Variants in MAPK8IP1 observed in about 807,000 individuals in gnomAD.
The protein encoded by MAPK8IP1 is mitogen-activated protein kinase 8 interacting protein 1.
In MAPK8IP1, 17 loss-of-function variants were observed where a neutral mutation model predicts 72.6. The observed-to-expected ratio is 0.23, with a 90% CI of 0.16 to 0.35. The LOEUF is 0.35. Ranked by LOEUF, MAPK8IP1 falls within the 10% of genes least tolerant of loss-of-function variation. MAPK8IP1 has a pLI of 1.00. For synonymous variants in MAPK8IP1, 401 were observed against 443.4 expected (o/e 0.90, Z 1.20); for missense variants, 789 against 1,009.7 (o/e 0.78, Z 2.96).
chr11:45,903,332 A>AC lies in MAPK8IP1; in HGVS notation c.1418-27dup, dbSNP rs768288614. The AC allele has an allele frequency of 1.3e-5, 21 of 1,607,688 alleles. No homozygotes were observed. Among genetic ancestry groups the AC allele is most frequent in the African/African-American group, 6.7e-5 (5 of 74,346 alleles). ...CCGCTAAACCTGGATCAGAGCTGCG[A>AC]CCCCCCATCCAGCCACACCACCTCA... On this transcript the variant is annotated intron_variant, in intron 5 of 11. Transcript: ENST00000241014. The surrounding 1 kb of genome is among the most constrained non-coding windows in gnomAD (Gnocchi z 6.4).
chr11:45,885,933 C>T lies in MAPK8IP1; in HGVS notation c.101+12C>T, dbSNP rs1479554614. 1.4e-6 allele frequency: 2 copies of T among 1,461,306 alleles called. No homozygotes were observed. Among genetic ancestry groups the T allele is most frequent in the South Asian group, 2.7e-5 (2 of 75,434 alleles). 90.5% of individuals were successfully genotyped at this position (1,461,306 alleles called of 1,614,324 possible). A position where few individuals can be genotyped will look rare whatever the true frequency, so the allele number is the denominator to read the frequency against. On this transcript the variant is annotated intron_variant, in intron 1 of 11. Transcript: ENST00000241014. ...CCTCCCAATTTCAGGTGAGAGTCCC[C>T]GGCCGCCGCGCGCCTCGCCCTTCAG...
chr11:45,905,291 G>A (rs779965666), intron 11 of MAPK8IP1, 42 bp downstream of exon 11: 20 of 1,561,418 alleles, frequency 1.3e-5, no homozygotes, highest in East Asian at 9.0e-5. Context: ...GAGGGAGCAC[G>A]CCCAATCCCA....
intron 2 of MAPK8IP1, among the ~76,000 whole-genome samples, chr11:45,898,708 T>C (rs1221807119): frequency 6.6e-6 from 1 of 152,186 alleles, no homozygotes; most frequent in Non-Finnish European, 1.5e-5. Context: ...CTCTGGCCTA[T>C]AGTCCTAAAG....
At position 45,904,756 on chromosome 11, in the gene MAPK8IP1, G is replaced by A. The variant is rs144836273; in HGVS notation, c.1815G>A (p.Pro605=). 1.0e-4 allele frequency: 167 copies of A among 1,613,862 alleles called. No individual in the cohort carries two copies. The highest frequency in any genetic ancestry group is 3.3e-4 in the Middle Eastern group (2 of 6,084). Residue 605 remains proline (P), a synonymous_variant, in exon 9 of 12, where the codon CCG becomes CCA. Transcript: ENST00000241014. The surrounding 1 kb of genome is among the most constrained non-coding windows in gnomAD (Gnocchi z 6.4). ...GCCGGCTCACCGTGCACTTTAACCC[G>A]CCCTCCAGCTGTGTCCTGGAGATCA... The part of the protein sequence containing the change: ...TTRRLTVHFN[P]PSSCVLEISV...
chr11:45,904,740 C>T lies in MAPK8IP1; in HGVS notation c.1799C>T (p.Thr600Ile). ...TAGATTGCCACCACCCGCCGGCTCA[C>T]CGTGCACTTTAACCCGCCCTCCAGC... is the stretch of plus-strand genomic sequence containing the variant. ...MQKIATTRRL[T>I]VHFNPPSSCV... Residue 600 changes from threonine to isoleucine, a missense_variant, in exon 9 of 12, where the codon ACC (threonine) becomes ATC (isoleucine). Transcript: ENST00000241014. This position sits in a 1 kb window ranked among gnomAD's most constrained non-coding sequence, Gnocchi z 6.4. The T allele has an allele frequency of 6.2e-7, 1 of 1,614,010 alleles. No individual in the cohort carries two copies. Among genetic ancestry groups the T allele is most frequent in the Non-Finnish European group, 8.5e-7 (1 of 1,180,040 alleles).
At position 45,900,897 on chromosome 11, in the gene MAPK8IP1, G is replaced by A. The variant is rs1431924681; in HGVS notation, c.522+445G>A. On this transcript the variant is annotated intron_variant, in intron 3 of 11. Transcript: ENST00000241014. This position sits in a 1 kb window ranked among gnomAD's most constrained non-coding sequence, Gnocchi z 6.5. ...GGGGGAGGCCGTGGGAGATCGTGGC[G>A]AGGTGGGGATGGGAAGCTCAGGGGC... Among the ~76,000 whole-genome samples, 1 of 152,056 alleles carries A rather than the reference G, an allele frequency of 6.6e-6. No individual in the cohort carries two copies. Among genetic ancestry groups the A allele is most frequent in the Non-Finnish European group, 1.5e-5 (1 of 68,012 alleles).
chr11:45,892,780 T>G (rs1590783039), intron 1 of MAPK8IP1, among the ~76,000 whole-genome samples: 1 of 152,328 alleles, frequency 6.6e-6, no homozygotes, highest in African/African-American at 2.4e-5. Flanking sequence ...GGGAAGCTAT[T>G]AAAGGGCTTT....
rs376478598 is a variant in MAPK8IP1 at position 45,903,227 on chromosome 11, C to G, written c.1417+43C>G. 1.3e-6 allele frequency: 2 copies of G among 1,585,086 alleles called. No individual in the cohort carries two copies. Among genetic ancestry groups the G allele is most frequent in the Non-Finnish European group, 1.7e-6 (2 of 1,164,112 alleles). On this transcript the variant is annotated intron_variant, in intron 5 of 11. Coordinates refer to ENST00000241014, the MANE Select transcript of MAPK8IP1 (RefSeq NM_005456.4). The surrounding 1 kb of genome is among the most constrained non-coding windows in gnomAD (Gnocchi z 6.4). ...AGCAGTGGGGTGGGGGGGTCCCTAGCGGGGGCAGAGCCAAAATGCGAAGTG... is the reference window on the plus strand; with the variant it reads ...AGCAGTGGGGTGGGGGGGTCCCTAGGGGGGGCAGAGCCAAAATGCGAAGTG...
At chr11:45,895,887 C>A (rs1027307315) in intron 1 of MAPK8IP1, among the ~76,000 whole-genome samples, 1 of 152,094 alleles carries the variant, frequency 6.6e-6, no homozygotes, top group Non-Finnish European at 1.5e-5. Flanking sequence ...CGGAGGAGGG[C>A]TGCTCTGGCT....
intron 1 of MAPK8IP1, chr11:45,896,854 A>G (rs1381824536): frequency 6.5e-7 from 1 of 1,548,454 alleles, no homozygotes; most frequent in Non-Finnish European, 8.7e-7. Context: ...GGGGCCCCGC[A>G]GCCCCCCGGC....
In MAPK8IP1 at chr11:45,903,902, G is replaced by A. The variant is rs2086679334; in HGVS notation, c.1494-87G>A. 4.0e-6 allele frequency: 5 copies of A among 1,236,488 alleles called. No individual in the cohort carries two copies. Among genetic ancestry groups the A allele is most frequent in the African/African-American group, 2.9e-5 (2 of 67,856 alleles). The allele number at this position is 1,236,488 out of a possible 1,614,324, so 76.6% of individuals were successfully genotyped here. On this transcript the variant is annotated intron_variant, in intron 6 of 11. Coordinates refer to ENST00000241014, the MANE Select transcript of MAPK8IP1 (RefSeq NM_005456.4). This position sits in a 1 kb window ranked among gnomAD's most constrained non-coding sequence, Gnocchi z 6.4. ...TTTTGCAAATGTTTACTGAAATAACGATGCTGCTGTGGCTCCCAGACCCCA... is the reference window on the plus strand; with the variant it reads ...TTTTGCAAATGTTTACTGAAATAACAATGCTGCTGTGGCTCCCAGACCCCA...
At chr11:45,894,134 G>T (rs1434633402) in intron 1 of MAPK8IP1, among the ~76,000 whole-genome samples, 1 of 152,194 alleles carries the variant, frequency 6.6e-6, no homozygotes, top group Non-Finnish European at 1.5e-5. Context: ...GAAGCATAAG[G>T]CACCTTTATG....
rs1402004605 is a variant in MAPK8IP1, at chr11:45,885,886, C to T, written c.66C>T (p.Phe22=). The T allele has an allele frequency of 1.4e-6, 2 of 1,468,272 alleles. No homozygotes were observed. Among genetic ancestry groups the T allele is most frequent in the East Asian group, 3.0e-5 (1 of 33,504 alleles). 91.0% of individuals were successfully genotyped at this position (1,468,272 alleles called of 1,614,324 possible). The part of the protein sequence containing the change: ...GAASPPAASP[F]LGLHIASPPN... ...CGTCCCCGCCCGCCGCCTCCCCGTT[C>T]CTGGGGCTGCACATCGCTTCGCCTC... The change falls in exon 1 of 12, where the codon TTC becomes TTT. Residue 22 remains phenylalanine (F), a synonymous_variant. Transcript: ENST00000241014.
chr11:45,906,092 C>G lies in MAPK8IP1; in HGVS notation c.*371C>G, dbSNP rs987485490. 2.3e-6 allele frequency: 1 copy of G among 432,806 alleles called. No homozygotes were observed. The highest frequency in any genetic ancestry group is 4.2e-6 in the Non-Finnish European group (1 of 235,302). The allele number at this position is 432,806 out of a possible 1,614,324, so 26.8% of individuals were successfully genotyped here. A position where few individuals can be genotyped will look rare whatever the true frequency, so the allele number is the denominator to read the frequency against. ...CGCTGTGGCTCCTGCCTTGATGAAG[C>G]CCGTGTCCTGCCTTGATGAAGCCTG... On this transcript the variant is annotated 3_prime_UTR_variant, in exon 12 of 12. Transcript: ENST00000241014.
chr11:45,893,029 G>A (rs2086578465), intron 1 of MAPK8IP1, among the ~76,000 whole-genome samples: 1 of 152,194 alleles, frequency 6.6e-6, no homozygotes, highest in African/African-American at 2.4e-5. Flanking sequence ...TCACAAGAGA[G>A]GCTTGTGGGG....
intron 1 of MAPK8IP1, among the ~76,000 whole-genome samples, chr11:45,893,391 G>A (rs2086580874): frequency 6.6e-6 from 1 of 152,158 alleles, no homozygotes; most frequent in South Asian, 2.1e-4. Flanking sequence ...GTGGGAGCAG[G>A]AGCTGGTATG....
At position 45,900,387 on chromosome 11, in the gene MAPK8IP1, G is replaced by T; in HGVS notation, c.457G>T (p.Gly153Trp). Residue 153 changes from glycine (G) to tryptophan (W), a missense_variant, in exon 3 of 12, where the codon GGG becomes TGG. Transcript: ENST00000241014. This position sits in a 1 kb window ranked among gnomAD's most constrained non-coding sequence, Gnocchi z 6.5. ...SQGQSQGPGS[G>W]DTYRPKRPTT... ...AGGCCAGAGCCAGGGCCCGGGCAGC[G>T]GGGACACGTACCGGCCCAAGCGGCC... 1 of 1,526,658 alleles carries T rather than the reference G, an allele frequency of 6.6e-7. No homozygotes were observed. Among genetic ancestry groups the T allele is most frequent in the Non-Finnish European group, 8.7e-7 (1 of 1,143,590 alleles). 94.6% of individuals were successfully genotyped at this position (1,526,658 alleles called of 1,614,324 possible). A position where few individuals can be genotyped will look rare whatever the true frequency, so the allele number is the denominator to read the frequency against.
rs983231917 is a variant in MAPK8IP1 at position 45,900,896 on chromosome 11, C to T, written c.522+444C>T. On this transcript the variant is annotated intron_variant, in intron 3 of 11. Coordinates refer to ENST00000241014, the MANE Select transcript of MAPK8IP1 (RefSeq NM_005456.4). This position sits in a 1 kb window ranked among gnomAD's most constrained non-coding sequence, Gnocchi z 6.5. ...TGGGGGAGGCCGTGGGAGATCGTGG[C>T]GAGGTGGGGATGGGAAGCTCAGGGG... 2.0e-5 allele frequency among the ~76,000 whole-genome samples: 3 copies of T among 151,430 alleles called. No individual in the cohort carries two copies. Among genetic ancestry groups the T allele is most frequent in the African/African-American group, 7.3e-5 (3 of 41,110 alleles).
At chr11:45,892,570 C>T (rs1269986015) in intron 1 of MAPK8IP1, among the ~76,000 whole-genome samples, 2 of 152,206 alleles carry the variant, frequency 1.3e-5, no homozygotes, top group South Asian at 2.1e-4. Context: ...CATAGCAGGG[C>T]GGTTTGGCTT....
Sources: gnomAD v4.1 joint callset for allele counts (sites outside exome capture counted in the v4.1 genomes callset) on GRCh38, gnomAD v4.1.1 for gene constraint, Gnocchi (gnomAD v3.1) non-coding constraint, MANE v1.5 for transcripts, NCBI Gene and HGNC (gene_info 2026-07-23, HGNC 2026-07-21) for gene names.